Variants in DLEC1 observed in about 807,000 individuals in gnomAD.
The protein encoded by DLEC1 is deleted in lung and esophageal cancer protein 1.
A neutral mutation model predicts 198.1 loss-of-function variants in DLEC1; 146 were observed. That is an observed-to-expected ratio of 0.74 (90% CI 0.64 to 0.85). The LOEUF (loss-of-function observed/expected upper bound fraction) is 0.85, where lower values mean the gene tolerates loss of function less well. DLEC1 is among the 40% of genes least tolerant of loss of function. DLEC1 has a pLI of 0.00. For synonymous variants in DLEC1, 897 were observed against 866.8 expected (o/e 1.03, Z -0.61); for missense variants, 2,233 against 2,220.0 (o/e 1.01, Z -0.12).
intron 19 of DLEC1, among the ~76,000 whole-genome samples, chr3:38,100,749 T>C (rs1699264092): frequency 6.6e-6 from 1 of 152,180 alleles, no homozygotes; most frequent in African/African-American, 2.4e-5. Flanking sequence ...GGGAAATCCT[T>C]ATACATGCAC....
intron 10 of DLEC1, among the ~76,000 whole-genome samples, chr3:38,089,221 T>G (rs1698619069): frequency 6.6e-6 from 1 of 152,196 alleles, no homozygotes; most frequent in Non-Finnish European, 1.5e-5. Flanking sequence ...AGCTGCACAT[T>G]GCAATCACCT....
At chr3:38,056,152 A>T (rs1456037324) in intron 2 of DLEC1, among the ~76,000 whole-genome samples, 3 of 150,602 alleles carry the variant, frequency 2.0e-5, no homozygotes, top group Non-Finnish European at 3.0e-5. Flanking sequence ...CCTCCCAGCT[A>T]CTTGGGAGGC....
Position 38,117,043 on chromosome 3 carries a change from C to A in DLEC1, c.4248C>A (p.Ile1416=). Residue 1416 remains isoleucine (I), a synonymous_variant, in exon 30 of 37, where the codon ATC becomes ATA. Transcript: ENST00000308059. Reference sequence around the variant, plus strand: ...CCCCTATGGTGCTCAGCCCTGAGATCCTGCACAAGGTGGAGTGTACTGGCT... The same window carrying A: ...CCCCTATGGTGCTCAGCCCTGAGATACTGCACAAGGTGGAGTGTACTGGCT... ...SFTPMVLSPE[I]LHKVECTGYA... The A allele has an allele frequency of 6.2e-7, 1 of 1,614,106 alleles. No individual in the cohort carries two copies. The highest frequency in any genetic ancestry group is 8.5e-7 in the Non-Finnish European group (1 of 1,179,988).
At chr3:38,081,753 G>A (rs1698020784) in intron 6 of DLEC1, among the ~76,000 whole-genome samples, 2 of 75,600 alleles carry the variant, frequency 2.6e-5, no homozygotes, top group Non-Finnish European at 5.5e-5. Context: ...GGGCAGAGGC[G>A]CCCCTCACCT....
At chr3:38,088,956 G>A (rs1381331127) in intron 10 of DLEC1, among the ~76,000 whole-genome samples, 1 of 152,030 alleles carries the variant, frequency 6.6e-6, no homozygotes, top group Non-Finnish European at 1.5e-5. Context: ...GTCCCCAGAG[G>A]TGCCCATGAG....
At chr3:38,068,232 T>A (rs565650162) in intron 6 of DLEC1, among the ~76,000 whole-genome samples, 269 of 151,908 alleles carry the variant, frequency 1.8e-3, no homozygotes, top group South Asian at 7.5e-3. Flanking sequence ...TCTTTTTTTT[T>A]AAAACCTTTT....
intron 3 of DLEC1, among the ~76,000 whole-genome samples, chr3:38,061,859 A>T (rs571925962): frequency 6.6e-6 from 1 of 152,218 alleles, no homozygotes; most frequent in South Asian, 2.1e-4. Context: ...TTTTGTAGAG[A>T]TAGGGTCTCA....
intron 10 of DLEC1, among the ~76,000 whole-genome samples, chr3:38,090,276 C>T (rs1442584209): frequency 3.3e-5 from 5 of 152,218 alleles, no homozygotes; most frequent in East Asian, 1.9e-4. Flanking sequence ...CCCAGTTCCT[C>T]AGCCATCCAG....
At chr3:38,117,729 CA>C in intron 32 of DLEC1, 76 bp from the exon 33 acceptor site, 1 of 1,591,968 alleles carries the variant, frequency 6.3e-7, no homozygotes, top group African/African-American at 1.3e-5. Context: ...CCAGCCCTCC[CA>C]GCCCTACCCT....
intron 2 of DLEC1, among the ~76,000 whole-genome samples, chr3:38,058,819 G>A (rs1696521778): frequency 6.6e-6 from 1 of 152,092 alleles, no homozygotes; most frequent in Non-Finnish European, 1.5e-5. Flanking sequence ...TGTGCATGCA[G>A]GGGCTGTATG....
chr3:38,052,125 C>T, intron 2 of DLEC1: 1 of 366,542 alleles, frequency 2.7e-6, no homozygotes. Context: ...CGACCCTGTG[C>T]AACAGACACT....
intron 6 of DLEC1, among the ~76,000 whole-genome samples, chr3:38,077,801 G>A (rs1260848841): frequency 6.6e-6 from 1 of 152,178 alleles, no homozygotes; most frequent in Non-Finnish European, 1.5e-5. Context: ...CCAGTCCTGG[G>A]TGGGGGCAAA....
At chr3:38,041,070 G>A (rs559274514) in intron 1 of DLEC1, among the ~76,000 whole-genome samples, 2 of 151,968 alleles carry the variant, frequency 1.3e-5, no homozygotes, top group South Asian at 2.1e-4. Context: ...GGAGTGCATG[G>A]CGCAATCTCA....
At chr3:38,092,941 C>T in intron 11 of DLEC1, 61 bp downstream of exon 11, 2 of 1,520,704 alleles carry the variant, frequency 1.3e-6, no homozygotes, top group Admixed American at 3.3e-5. Context: ...CCAGGGGCCA[C>T]TGACCACAGT....
intron 6 of DLEC1, among the ~76,000 whole-genome samples, chr3:38,067,826 C>G (rs1192670869): frequency 6.7e-6 from 1 of 148,934 alleles, no homozygotes; most frequent in Non-Finnish European, 1.5e-5. Context: ...GATCTTGGCT[C>G]ACTGCAACCT....
chr3:38,083,181 G>T (rs1575167079), intron 6 of DLEC1, among the ~76,000 whole-genome samples: 1 of 151,678 alleles, frequency 6.6e-6, no homozygotes, highest in African/African-American at 2.4e-5. Flanking sequence ...GTGGTTTCAT[G>T]TGCGTCCGTG....
At chr3:38,077,054 A>G (rs1435084862) in intron 6 of DLEC1, among the ~76,000 whole-genome samples, 1 of 152,220 alleles carries the variant, frequency 6.6e-6, no homozygotes, top group Non-Finnish European at 1.5e-5. Context: ...CAGATATAAA[A>G]GGTCTAAGAA....
chr3:38,060,612 T>C (rs750103899), intron 3 of DLEC1, among the ~76,000 whole-genome samples: 4 of 151,154 alleles, frequency 2.6e-5, no homozygotes, highest in Non-Finnish European at 4.4e-5. Context: ...CTGGGGAGAG[T>C]TCCACTGATG....
chr3:38,104,762 T>C (rs949398945), intron 19 of DLEC1, among the ~76,000 whole-genome samples: 15 of 152,296 alleles, frequency 9.8e-5, no homozygotes, highest in African/African-American at 3.1e-4. Context: ...GTTGATTTTC[T>C]GTAATGTTTT....
Sources: allele counts gnomAD v4.1 joint callset (sites outside exome capture counted in the v4.1 genomes callset), GRCh38; gene constraint gnomAD v4.1.1; transcripts MANE v1.5; gene names NCBI Gene and HGNC (gene_info 2026-07-23, HGNC 2026-07-21).